PCDHGA4: variants seen among roughly 807,000 people sequenced by gnomAD.
PCDHGA4 encodes the protein protocadherin gamma subfamily A, 4.
In PCDHGA4, 38 loss-of-function variants were observed where a neutral mutation model predicts 54.6. That is an observed-to-expected ratio of 0.70 (90% CI 0.54 to 0.91). The LOEUF is 0.91. Among genes scored for constraint, PCDHGA4 ranks in the 40% least tolerant of loss-of-function variants. The pLI is 0.00. For synonymous variants in PCDHGA4, 511 were observed against 512.9 expected, an observed-to-expected ratio of 1.00 and a Z score of 0.05; for missense variants, 1,298 against 1,220.9, an observed-to-expected ratio of 1.06 and a Z score of -0.94.
At chr5:141,377,889 C>A (rs914946378) in intron 1 of PCDHGA4, 2 of 152,056 alleles carry the variant, frequency 1.3e-5, no homozygotes, top group Non-Finnish European at 2.9e-5. Flanking sequence ...AGATAGGATC[C>A]CCCTCTGTTG....
chr5:141,361,949 C>A lies in PCDHGA4; in HGVS notation c.2514+4328C>A, dbSNP rs202129585. Reference sequence around the variant, plus strand: ...GACTCAGGACACAACGCTTGGCTGTCCTACCACGTGCTGCAGGCCAGCGAG... The same window carrying A: ...GACTCAGGACACAACGCTTGGCTGTACTACCACGTGCTGCAGGCCAGCGAG... On this transcript the variant is annotated intron_variant, in intron 1 of 3. Coordinates refer to ENST00000571252, the MANE Select transcript of PCDHGA4 (RefSeq NM_018917.4). 3.8e-3 allele frequency: 6,045 copies of A among 1,604,150 alleles called. 134 individuals carry two copies. The South Asian group carries it at 0.045, about 12-fold the overall frequency.
chr5:141,443,417 T>C (rs1429905201), intron 1 of PCDHGA4, among the ~76,000 whole-genome samples: 3 of 152,132 alleles, frequency 2.0e-5, no homozygotes, highest in East Asian at 1.9e-4. Context: ...TCTGGGGAGA[T>C]TGAAGCTGCA....
At chr5:141,414,135 A>G in intron 1 of PCDHGA4, 1 of 1,595,504 alleles carries the variant, frequency 6.3e-7, no homozygotes, top group Non-Finnish European at 8.5e-7. Context: ...GTTTCTATGA[A>G]ATAGAAATAC....
intron 1 of PCDHGA4, chr5:141,372,553 G>T: frequency 6.2e-7 from 1 of 1,613,978 alleles, no homozygotes; most frequent in Non-Finnish European, 8.5e-7. Flanking sequence ...TGCTCCTCCA[G>T]ACCCGCCACT....
At chr5:141,361,302 T>C (rs1486382277) in intron 1 of PCDHGA4, 1 of 1,613,928 alleles carries the variant, frequency 6.2e-7, no homozygotes, top group African/African-American at 1.3e-5. Flanking sequence ...TGTTGGGAAA[T>C]GCCAAGTTTA....
chr5:141,383,077 G>A (rs1415482680), intron 1 of PCDHGA4: 2 of 1,613,774 alleles, frequency 1.2e-6, no homozygotes, highest in African/African-American at 2.7e-5. Flanking sequence ...CCGGGAGCTG[G>A]CGGAGCGCGG....
chr5:141,503,343 T>C (rs558650835), intron 2 of PCDHGA4, among the ~76,000 whole-genome samples: 87 of 152,106 alleles, frequency 5.7e-4, no homozygotes, highest in South Asian at 1.2e-3. Flanking sequence ...ACGCCTGTAA[T>C]TCCAGCACTT....
intron 1 of PCDHGA4, among the ~76,000 whole-genome samples, chr5:141,474,185 C>T (rs1481544975): frequency 1.3e-5 from 2 of 152,180 alleles, no homozygotes; most frequent in Non-Finnish European, 2.9e-5. Flanking sequence ...AAACTACTTA[C>T]ATTTTTAAAA....
At chr5:141,498,971 G>GGGAGGGAAGGAAGGAAGGAA (rs2099787588) in intron 2 of PCDHGA4, among the ~76,000 whole-genome samples, 11 of 111,048 alleles carry the variant, frequency 9.9e-5, no homozygotes, top group African/African-American at 3.2e-4. Context: ...GAGGGAGGGA[G>GGGAGGGAAGGAAGGAAGGAA]GGAAGGAAGG....
rs200533514 is a variant in PCDHGA4 at position 141,476,315 on chromosome 5, C to T, written c.2515-18492C>T. On this transcript the variant is annotated intron_variant, in intron 1 of 3. Transcript: ENST00000571252. This position sits in a 1 kb window ranked among gnomAD's most constrained non-coding sequence, Gnocchi z 7.6. The stretch of plus-strand genomic sequence containing the variant: ...CGGTAGCCTCTCAGCCCGCAGGTTC[C>T]GGGTGGTGTCTGGAGCTAGCCGAAG... 264 of 1,613,910 alleles carry T rather than the reference C, an allele frequency of 1.6e-4. No homozygotes were observed. The highest frequency in any genetic ancestry group is 2.1e-4 in the Non-Finnish European group (248 of 1,180,024).
intron 1 of PCDHGA4, chr5:141,367,882 A>C (rs1403559847): frequency 6.6e-6 from 1 of 152,094 alleles, no homozygotes; most frequent in Non-Finnish European, 1.5e-5. Context: ...ATTCTTCTTT[A>C]TTACTTGAGT....
chr5:141,390,025 G>T lies in PCDHGA4; in HGVS notation c.2514+32404G>T, dbSNP rs762363185. On this transcript the variant is annotated intron_variant, in intron 1 of 3. Coordinates refer to ENST00000571252, the MANE Select transcript of PCDHGA4 (RefSeq NM_018917.4). ...ATTCTGGCCATTGCCTTGCGCCTGC[G>T]ACGCTCCTCCAGCCCCGCCTCCTGG... The T allele has an allele frequency of 3.0e-5, 48 of 1,613,882 alleles. No individual in the cohort carries two copies. The East Asian group carries it at 1.1e-3, about 36-fold the overall frequency.
At chr5:141,458,064 C>G (rs886724551) in intron 1 of PCDHGA4, among the ~76,000 whole-genome samples, 1 of 152,104 alleles carries the variant, frequency 6.6e-6, no homozygotes, top group Admixed American at 6.6e-5. Flanking sequence ...TGCACTGATG[C>G]GAACAACTAT....
intron 1 of PCDHGA4, chr5:141,366,421 G>A: frequency 6.2e-7 from 1 of 1,614,150 alleles, no homozygotes; most frequent in Non-Finnish European, 8.5e-7. Flanking sequence ...TGGTGGCAGT[G>A]GCTGCAGTCT....
At chr5:141,364,355 G>T in intron 1 of PCDHGA4, 1 of 1,555,424 alleles carries the variant, frequency 6.4e-7, no homozygotes, top group Non-Finnish European at 8.7e-7. Context: ...TAGGGGCTGG[G>T]GCTGCGGAGA....
intron 1 of PCDHGA4, among the ~76,000 whole-genome samples, chr5:141,386,748 G>T (rs1033565005): frequency 6.6e-6 from 1 of 152,190 alleles, no homozygotes; most frequent in African/African-American, 2.4e-5. Flanking sequence ...TCCTATGGCA[G>T]AACTACGGTT....
rs770154641 is a variant in PCDHGA4, at chr5:141,372,296, C to T, written c.2514+14675C>T. ...TGCGCACGGCGCGTACCTTGGGCGA[C>T]AGGGAGGCCGCCCGCCAGCGCCTGC... On this transcript the variant is annotated intron_variant, in intron 1 of 3. Coordinates refer to ENST00000571252, the MANE Select transcript of PCDHGA4 (RefSeq NM_018917.4). 5 of 1,613,184 alleles carry T rather than the reference C, an allele frequency of 3.1e-6. No individual in the cohort carries two copies. The African/African-American group carries it at 5.3e-5, about 17-fold the overall frequency.
chr5:141,435,542 A>C (rs1402711516), intron 1 of PCDHGA4, among the ~76,000 whole-genome samples: 1 of 152,146 alleles, frequency 6.6e-6, no homozygotes, highest in Non-Finnish European at 1.5e-5. Flanking sequence ...GAATTAACAA[A>C]ATGTGTTTTG....
Position 141,394,654 on chromosome 5 carries a change from C to G in PCDHGA4, c.2514+37033C>G, listed in dbSNP as rs372355655. On this transcript the variant is annotated intron_variant, in intron 1 of 3. Transcript: ENST00000571252. Reference sequence around the variant, plus strand: ...TACCGCCTGCTCAAGGCCAGCGAGCCGGGACTCTTCTCGGTGGGTCTGCAC... The same window carrying G: ...TACCGCCTGCTCAAGGCCAGCGAGCGGGGACTCTTCTCGGTGGGTCTGCAC... 47 of 1,613,236 alleles carry G rather than the reference C, an allele frequency of 2.9e-5. No homozygotes were observed. The African/African-American group carries it at 5.7e-4, about 20-fold the overall frequency.
Sources: gnomAD v4.1 joint callset for allele counts (sites outside exome capture counted in the v4.1 genomes callset) on GRCh38, gnomAD v4.1.1 for gene constraint, Gnocchi (gnomAD v3.1) non-coding constraint, MANE v1.5 for transcripts, NCBI Gene and HGNC (gene_info 2026-07-23, HGNC 2026-07-21) for gene names.